Variants in TAX1BP1 observed in about 807,000 individuals in gnomAD.
TAX1BP1 encodes the protein tax1-binding protein 1.
A neutral mutation model predicts 97.7 loss-of-function variants in TAX1BP1; 62 were observed. That is an observed-to-expected ratio of 0.63 (90% CI 0.52 to 0.78). The LOEUF (loss-of-function observed/expected upper bound fraction) is 0.78. Ranked by LOEUF, TAX1BP1 falls within the 30% of genes least tolerant of loss-of-function variation. The pLI is 0.00. For synonymous variants in TAX1BP1, 340 were observed against 304.2 expected (o/e 1.12, Z -1.23); for missense variants, 867 against 916.1 (o/e 0.95, Z 0.69).
intron 5 of TAX1BP1, among the ~76,000 whole-genome samples, chr7:27,775,994 C>T (rs924962497): frequency 1.3e-5 from 2 of 149,300 alleles, no homozygotes; most frequent in South Asian, 2.1e-4. Context: ...TCTGTCTGTT[C>T]GTCTGTCTGT....
chr7:27,779,060 T>G (rs1429772513), intron 5 of TAX1BP1, among the ~76,000 whole-genome samples: 1 of 152,052 alleles, frequency 6.6e-6, no homozygotes, highest in Admixed American at 6.6e-5. Flanking sequence ...ATATTTGCCT[T>G]TTTTTTAATA....
chr7:27,765,735 A>G (rs1175013804), intron 3 of TAX1BP1, 99 bp from the exon 4 acceptor site: 1 of 1,024,898 alleles, frequency 9.8e-7, no homozygotes, highest in Non-Finnish European at 1.4e-6. Context: ...CTTGTCAAGA[A>G]CAGTGTGGGG....
At chr7:27,746,286 A>T (rs1179468295) in intron 1 of TAX1BP1, among the ~76,000 whole-genome samples, 1 of 151,832 alleles carries the variant, frequency 6.6e-6, no homozygotes, top group Non-Finnish European at 1.5e-5. Flanking sequence ...TATTCTCTTA[A>T]TTCAGTTTTG....
In TAX1BP1 at chr7:27,828,654, T is replaced by G; in HGVS notation, c.2195T>G (p.Leu732Arg). The change falls in exon 17 of 17, where the codon CTC becomes CGC. Residue 732 changes from leucine to arginine, a missense_variant. Leu to Arg is a moderately radical substitution (Grantham distance 102, BLOSUM62 -2). This residue lies in a region of TAX1BP1 where 822 missense variants were observed against 851.4 expected (regional missense o/e 0.97). Transcript: ENST00000396319. ...TTTGATGTTCACAAGAAGTGTCCCC[T>G]CTGTGAGTTAATGTTTCCTCCTAAC... is the stretch of plus-strand genomic sequence containing the variant. ...SSFDVHKKCPLCELMFPPNYD... is the reference protein window; with the variant it reads ...SSFDVHKKCPRCELMFPPNYD... 3 of 1,614,052 alleles carry G rather than the reference T, an allele frequency of 1.9e-6. No individual in the cohort carries two copies. Among genetic ancestry groups the G allele is most frequent in the Non-Finnish European group, 2.5e-6 (3 of 1,179,952 alleles).
At chr7:27,792,990 T>G (rs2128318243) in intron 9 of TAX1BP1, 76 bp from the exon 10 acceptor site, 1 of 1,315,194 alleles carries the variant, frequency 7.6e-7, no homozygotes, top group Non-Finnish European at 1.0e-6. Flanking sequence ...AAAAGTAAGA[T>G]TGAAGTTGGG....
chr7:27,770,008 C>CT (rs897025994), intron 5 of TAX1BP1, among the ~76,000 whole-genome samples, 174 bp downstream of exon 5: 1 of 152,000 alleles, frequency 6.6e-6, no homozygotes, highest in African/African-American at 2.4e-5. Flanking sequence ...GCCACAGCTG[C>CT]TTTTATGTTT....
chr7:27,794,283 T>C, intron 10 of TAX1BP1, 40 bp from the exon 11 acceptor site: 1 of 1,533,294 alleles, frequency 6.5e-7, no homozygotes, highest in East Asian at 2.3e-5. Flanking sequence ...ATATAACTAA[T>C]TCATTGACTC....
chr7:27,800,335 C>G (rs1343099493), intron 13 of TAX1BP1, among the ~76,000 whole-genome samples: 1 of 152,126 alleles, frequency 6.6e-6, no homozygotes, highest in Non-Finnish European at 1.5e-5. Context: ...ATTAAAATTA[C>G]ATCTTTTAAT....
intron 3 of TAX1BP1, among the ~76,000 whole-genome samples, chr7:27,763,422 G>T (rs760953947): frequency 1.2e-4 from 19 of 152,184 alleles, no homozygotes; most frequent in African/African-American, 4.6e-4. Flanking sequence ...AAATGGTTTT[G>T]AACCATATTT....
At chr7:27,750,447 C>T (rs1044175598) in intron 2 of TAX1BP1, among the ~76,000 whole-genome samples, 5 of 152,102 alleles carry the variant, frequency 3.3e-5, no homozygotes, top group South Asian at 2.1e-4. Flanking sequence ...TCAAGCATTT[C>T]GGATAAGGGA....
chr7:27,779,385 C>A (rs1049236326), intron 5 of TAX1BP1, among the ~76,000 whole-genome samples: 3 of 152,118 alleles, frequency 2.0e-5, no homozygotes, highest in African/African-American at 7.2e-5. Flanking sequence ...GTATTTGTTG[C>A]CCTTCAAATT....
chr7:27,806,653 A>C (rs535142054), intron 13 of TAX1BP1, among the ~76,000 whole-genome samples: 2 of 152,178 alleles, frequency 1.3e-5, no homozygotes, highest in Admixed American at 1.3e-4. Flanking sequence ...TAATTGTAAG[A>C]ACTTTGTAGT....
At chr7:27,813,928 ATACT>A (rs1790658526) in intron 13 of TAX1BP1, among the ~76,000 whole-genome samples, 1 of 152,120 alleles carries the variant, frequency 6.6e-6, no homozygotes, top group Non-Finnish European at 1.5e-5. Context: ...TAGAAGACAA[ATACT>A]TAATGGTCAG....
chr7:27,806,805 T>C (rs1054130424), intron 13 of TAX1BP1, among the ~76,000 whole-genome samples: 1 of 152,192 alleles, frequency 6.6e-6, no homozygotes, highest in Non-Finnish European at 1.5e-5. Context: ...GTTGGTGTTT[T>C]TATTGATATT....
chr7:27,748,790 C>A (rs1583664877), intron 2 of TAX1BP1, 104 bp downstream of exon 2: 2 of 841,678 alleles, frequency 2.4e-6, no homozygotes, highest in East Asian at 3.2e-5. Flanking sequence ...CATTAAGACT[C>A]ATTTTTGTAA....
chr7:27,740,013 T>A (rs1787501609), upstream of TAX1BP1: 1 of 152,258 alleles, frequency 6.6e-6, no homozygotes, highest in African/African-American at 2.4e-5. Context: ...AGAGCCAGCC[T>A]ACCCGCGGGA....
intron 3 of TAX1BP1, 41 bp from the exon 4 acceptor site, chr7:27,765,793 A>T (rs1788607833): frequency 6.6e-7 from 1 of 1,521,070 alleles, no homozygotes; most frequent in East Asian, 2.3e-5. Flanking sequence ...TGAATTTTAT[A>T]ATAGGAAGTT....
intron 15 of TAX1BP1, 66 bp from the exon 16 acceptor site, chr7:27,827,672 A>AT: frequency 7.4e-7 from 1 of 1,356,720 alleles, no homozygotes; most frequent in Non-Finnish European, 1.0e-6. Context: ...TATGTGCTTG[A>AT]TTGAATTAAG....
chr7:27,801,228 T>C lies in TAX1BP1; in HGVS notation c.1764+1138T>C, dbSNP rs141256671. Among the ~76,000 whole-genome samples, 183 of 143,948 alleles carry C rather than the reference T, an allele frequency of 1.3e-3. 1 individual carries two copies. The highest frequency in any genetic ancestry group is 4.4e-3 in the African/African-American group (171 of 39,160). 94.4% of individuals were successfully genotyped at this position (143,948 alleles called of 152,430 possible). A position where few individuals can be genotyped will look rare whatever the true frequency, so the allele number is the denominator to read the frequency against. On this transcript the variant is annotated intron_variant, in intron 13 of 16. Transcript: ENST00000396319. ...TTTAATATATTTTAAGAAATGTATG[T>C]AGATATAATTTACATTTTTTTTTTT... is the stretch of plus-strand genomic sequence containing the variant.
Sources: gnomAD v4.1 joint callset for allele counts (sites outside exome capture counted in the v4.1 genomes callset) on GRCh38, gnomAD v4.1.1 for gene constraint, gnomAD v4.1.1 regional missense constraint, MANE v1.5 for transcripts, NCBI Gene and HGNC (gene_info 2026-07-23, HGNC 2026-07-21) for gene names.